The following NRDC variants were observed in gnomAD, a reference collection of about 807,000 sequenced individuals.
The protein encoded by NRDC is nardilysin.
A neutral mutation model predicts 147.1 loss-of-function variants in NRDC; 54 were observed. The observed-to-expected ratio is 0.37, with a 90% CI of 0.29 to 0.46. The LOEUF (loss-of-function observed/expected upper bound fraction) is 0.46, where lower values mean the gene tolerates loss of function less well. Ranked by LOEUF, NRDC falls within the 20% of genes least tolerant of loss-of-function variation. The probability of loss-of-function intolerance (pLI) is 1.00; values close to 1 mark genes in which losing one functional copy is unlikely to be tolerated. For synonymous variants in NRDC, 440 were observed against 482.1 expected (o/e 0.91, Z 1.14); for missense variants, 1,082 against 1,370.6 (o/e 0.79, Z 3.33).
rs1253526989 is a variant in NRDC, at chr1:51,804,109, AG to A, written c.2163-146del. The A allele has an allele frequency of 5.9e-6, 4 of 676,302 alleles. No individual in the cohort carries two copies. In the African/African-American group the frequency reaches 7.3e-5, roughly 12 times the overall value. 41.9% of individuals were successfully genotyped at this position (676,302 alleles called of 1,614,324 possible). ...ATGTAAAAGGTAATACAGCTTACTC[AG>A]GATTCAGTTTCAGAGGTGTATTACA... is the stretch of plus-strand genomic sequence containing the variant. On this transcript the variant is annotated intron_variant, in intron 19 of 30. Transcript: ENST00000352171.
intron 29 of NRDC, 54 bp from the exon 30 acceptor site, chr1:51,789,711 A>C: frequency 1.6e-6 from 2 of 1,254,942 alleles, no homozygotes; most frequent in Non-Finnish European, 2.3e-6. Context: ...ATAGCTCTTA[A>C]ACCTAACCCC....
chr1:51,855,200 T>C (rs1159209911), intron 1 of NRDC, among the ~76,000 whole-genome samples: 1 of 152,126 alleles, frequency 6.6e-6, no homozygotes, highest in East Asian at 1.9e-4. Context: ...ATCCAGAAAT[T>C]TACCACTGCC....
Position 51,794,619 on chromosome 1 carries a change from G to A in NRDC, c.2637-9C>T. The A allele has an allele frequency of 2.5e-6, 4 of 1,613,988 alleles. No individual in the cohort carries two copies. Among genetic ancestry groups the A allele is most frequent in the Non-Finnish European group, 3.4e-6 (4 of 1,179,870 alleles). On this transcript the variant is annotated splice_polypyrimidine_tract_variant and intron_variant, in intron 23 of 30. Coordinates refer to ENST00000352171, the MANE Select transcript of NRDC (RefSeq NM_001101662.2). ...GCTTGAAGTTTAGTTTGCTGCAAGA[G>A]AATCAGTATGGGTCACTGAGGCACC... is the stretch of plus-strand genomic sequence containing the variant.
intron 4 of NRDC, among the ~76,000 whole-genome samples, chr1:51,833,229 G>C (rs1371415750): frequency 6.6e-6 from 1 of 152,064 alleles, no homozygotes; most frequent in African/African-American, 2.4e-5. Context: ...GAGAGGCTGA[G>C]GCAGGAGGAT....
At chr1:51,855,603 G>GT (rs1423562000) in intron 1 of NRDC, among the ~76,000 whole-genome samples, 1 of 152,002 alleles carries the variant, frequency 6.6e-6, no homozygotes, top group Non-Finnish European at 1.5e-5. Flanking sequence ...CTAACAACAT[G>GT]TAAGAGTTCC....
At chr1:51,848,782 A>C (rs1681786676) in intron 1 of NRDC, among the ~76,000 whole-genome samples, 1 of 152,220 alleles carries the variant, frequency 6.6e-6, no homozygotes, top group South Asian at 2.1e-4. Context: ...TACATGTCTT[A>C]ACCCAGTTAA....
At chr1:51,841,495 C>A (rs1681264770) in intron 1 of NRDC, among the ~76,000 whole-genome samples, 1 of 151,882 alleles carries the variant, frequency 6.6e-6, no homozygotes, top group Admixed American at 6.6e-5. Flanking sequence ...TTTTTAGAGA[C>A]AGGGTTTTGC....
At position 51,875,611 on chromosome 1, in the gene NRDC, TG is replaced by T. The variant is rs766260607; in HGVS notation, c.341+2663del. On this transcript the variant is annotated intron_variant, in intron 1 of 30. Transcript: ENST00000352171. ...TGTCTCACTGCCACCCAGGCTGGAG[TG>T]CAGTGGCACGATCATGGCTCACTGC... Among the ~76,000 whole-genome samples, 820 of 152,296 alleles carry T rather than the reference TG, an allele frequency of 5.4e-3. 1 individual carries two copies. Among genetic ancestry groups the T allele is most frequent in the Non-Finnish European group, 8.6e-3 (583 of 68,022 alleles).
rs5774110 is a variant in NRDC, at chr1:51,839,160, CT to C, written c.630+1065del. Among the ~76,000 whole-genome samples, 467 of 133,736 alleles carry C rather than the reference CT, an allele frequency of 3.5e-3. 1 individual carries two copies. Among genetic ancestry groups the C allele is most frequent in the Non-Finnish European group, 5.1e-3 (327 of 64,078 alleles). The allele number at this position is 133,736 out of a possible 152,430, so 87.7% of individuals were successfully genotyped here. A position where few individuals can be genotyped will look rare whatever the true frequency, so the allele number is the denominator to read the frequency against. Reference sequence around the variant, plus strand: ...AAGGGTGACCACTTTTTTTCTTTTTCTTTTTTTTTTTTTTTTTGAGACAAAG... The same window carrying C: ...AAGGGTGACCACTTTTTTTCTTTTTCTTTTTTTTTTTTTTTTGAGACAAAG... On this transcript the variant is annotated intron_variant, in intron 2 of 30. Coordinates refer to ENST00000352171, the MANE Select transcript of NRDC (RefSeq NM_001101662.2).
chr1:51,790,186 T>A (rs536879850), intron 29 of NRDC, among the ~76,000 whole-genome samples: 136 of 152,324 alleles, frequency 8.9e-4, no homozygotes, highest in Middle Eastern at 3.4e-3. Flanking sequence ...TCAAAACACA[T>A]GCACTTGGAA....
At chr1:51,801,591 C>T (rs113050302) in intron 20 of NRDC, among the ~76,000 whole-genome samples, 1 of 151,972 alleles carries the variant, frequency 6.6e-6, no homozygotes, top group Admixed American at 6.6e-5. Context: ...TCTAAGAATA[C>T]AATCATATCA....
At position 51,809,418 on chromosome 1, in the gene NRDC, T is replaced by G; in HGVS notation, c.1904-17A>C. 1 of 1,497,242 alleles carries G rather than the reference T, an allele frequency of 6.7e-7. No homozygotes were observed. The highest frequency in any genetic ancestry group is 9.3e-7 in the Non-Finnish European group (1 of 1,073,798). The allele number at this position is 1,497,242 out of a possible 1,614,324, so 92.7% of individuals were successfully genotyped here. A position where few individuals can be genotyped will look rare whatever the true frequency, so the allele number is the denominator to read the frequency against. Reference sequence around the variant, plus strand: ...TTTCAATATCTGTAAAGGAGAAAAATAAACTGACCCAATAAACAATGCAAT... The same window carrying G: ...TTTCAATATCTGTAAAGGAGAAAAAGAAACTGACCCAATAAACAATGCAAT... On this transcript the variant is annotated splice_polypyrimidine_tract_variant and intron_variant, in intron 16 of 30. Coordinates refer to ENST00000352171, the MANE Select transcript of NRDC (RefSeq NM_001101662.2).
At chr1:51,847,604 C>T (rs1010394597) in intron 1 of NRDC, among the ~76,000 whole-genome samples, 2 of 152,330 alleles carry the variant, frequency 1.3e-5, no homozygotes, top group Non-Finnish European at 2.9e-5. Context: ...ACGCACCCTC[C>T]GCAGCTGCTG....
At chr1:51,853,224 A>AT (rs891037272) in intron 1 of NRDC, among the ~76,000 whole-genome samples, 2,634 of 148,602 alleles carry the variant, frequency 0.018, 65 homozygotes, top group African/African-American at 0.057. Flanking sequence ...TCCAAAAAAA[A>AT]ATATATATAT....
rs180895603 is a variant in NRDC, at chr1:51,791,927, T to C, written c.2876+119A>G. The C allele has an allele frequency of 2.5e-4, 258 of 1,024,198 alleles. No homozygotes were observed. The African/African-American group carries it at 3.3e-3, about 13-fold the overall frequency. The allele number at this position is 1,024,198 out of a possible 1,614,324, so 63.4% of individuals were successfully genotyped here. A position where few individuals can be genotyped will look rare whatever the true frequency, so the allele number is the denominator to read the frequency against. On this transcript the variant is annotated intron_variant, in intron 26 of 30. Transcript: ENST00000352171. The stretch of plus-strand genomic sequence containing the variant: ...TTCCAAAAGTTTGGATGACTAAATA[T>C]CACCCTATGAGATGGAAGGAAGCTC...
chr1:51,854,059 G>T (rs189349833), intron 1 of NRDC, among the ~76,000 whole-genome samples: 212 of 152,302 alleles, frequency 1.4e-3, no homozygotes, highest in African/African-American at 5.0e-3. Flanking sequence ...TGGATACCTT[G>T]AATTCCGTGC....
At chr1:51,875,555 C>T (rs1683281294) in intron 1 of NRDC, among the ~76,000 whole-genome samples, 1 of 152,014 alleles carries the variant, frequency 6.6e-6, no homozygotes, top group African/African-American at 2.4e-5. Context: ...ACTTTAGTGC[C>T]CTAGTTTTAT....
intron 22 of NRDC, among the ~76,000 whole-genome samples, chr1:51,796,943 G>A (rs1213009764): frequency 2.7e-5 from 4 of 148,172 alleles, no homozygotes; most frequent in African/African-American, 4.9e-5. Flanking sequence ...GCTCACACCT[G>A]TAATCCCAGC....
At chr1:51,795,542 A>G (rs894723304) in intron 22 of NRDC, 1 of 183,762 alleles carries the variant, frequency 5.4e-6, no homozygotes, top group African/African-American at 2.3e-5. Context: ...GATAGCAGCC[A>G]CAATTTCAAG....
Sources: gnomAD v4.1 joint callset for allele counts (sites outside exome capture counted in the v4.1 genomes callset) on GRCh38, gnomAD v4.1.1 for gene constraint, MANE v1.5 for transcripts, NCBI Gene and HGNC (gene_info 2026-07-23, HGNC 2026-07-21) for gene names.